The following TRIM36 variants were observed in gnomAD, a reference collection of about 807,000 sequenced individuals.
TRIM36 encodes tripartite motif containing 36.
TRIM36 carries 42 observed loss-of-function variants against 72.4 expected under a neutral mutation model. The ratio of observed to expected loss-of-function variants is 0.58; its 90% CI spans 0.45 to 0.75. TRIM36 has a LOEUF of 0.75. Ranked by LOEUF, TRIM36 falls within the 30% of genes least tolerant of loss-of-function variation. The probability of loss-of-function intolerance (pLI) is 0.00; values close to 1 mark genes in which losing one functional copy is unlikely to be tolerated. For missense variants in TRIM36, 913 were observed against 857.1 expected (o/e 1.07, Z -0.81); for synonymous variants, 315 against 282.8 (o/e 1.11, Z -1.14).
upstream of TRIM36, among the ~76,000 whole-genome samples, chr5:115,172,313 G>C (rs937495662): frequency 1.3e-5 from 2 of 152,034 alleles, no homozygotes; most frequent in Non-Finnish European, 2.9e-5. Context: ...TGTAATACTT[G>C]CATGTGTGCA....
At position 115,125,314 on chromosome 5, in the gene TRIM36, A is replaced by G. The variant is rs891568339; in HGVS notation, c.*1189T>C. 7.9e-5 allele frequency: 12 copies of G among 152,178 alleles called. No homozygotes were observed. Among genetic ancestry groups the G allele is most frequent in the Non-Finnish European group, 1.8e-4 (12 of 67,996 alleles). 9.4% of individuals were successfully genotyped at this position (152,178 alleles called of 1,614,324 possible). ...TGAAAGCAACACCTTTCAAAAACAG[A>G]CACACAATTTAGATAGAATGTAATT... On this transcript the variant is annotated 3_prime_UTR_variant, in exon 10 of 10. Transcript: ENST00000513154.
rs566557539 is a variant in TRIM36 at position 115,126,478 on chromosome 5, T to A, written c.*25A>T. The A allele has an allele frequency of 1.6e-5, 26 of 1,578,716 alleles. No homozygotes were observed. In the South Asian group the frequency reaches 2.9e-4, roughly 18 times the overall value. On this transcript the variant is annotated 3_prime_UTR_variant, in exon 10 of 10. Transcript: ENST00000513154. ...GGCATTGCTTTGTTTACAGTTTTTA[T>A]CCTGAGTCACATCAGATGTTTCAAC...
rs768425033 is a variant in TRIM36 at position 115,147,326 on chromosome 5, C to T, written c.331G>A (p.Asp111Asn). 8 of 1,614,174 alleles carry T rather than the reference C, an allele frequency of 5.0e-6. No individual in the cohort carries two copies. The highest frequency in any genetic ancestry group is 1.6e-4 in the Middle Eastern group (1 of 6,062). Residue 111 changes from aspartate to asparagine, a missense_variant, in exon 3 of 10, where the codon GAT becomes AAT. Physicochemically the swap from Asp to Asn is conservative, Grantham distance 23. Transcript: ENST00000513154. Reference protein sequence around the residue: ...FPCPGCEHDVDLGERGINGLF... With the variant: ...FPCPGCEHDVNLGERGINGLF... ...CCATTGATTCCTCGTTCTCCAAGATCCACATCATGCTCACAGCCAGGGCAA... is the reference window on the plus strand; with the variant it reads ...CCATTGATTCCTCGTTCTCCAAGATTCACATCATGCTCACAGCCAGGGCAA...
chr5:115,141,016 C>G (rs185388654), intron 5 of TRIM36, among the ~76,000 whole-genome samples: 57 of 152,234 alleles, frequency 3.7e-4, no homozygotes, highest in Non-Finnish European at 6.8e-4. Context: ...CTTTTGAGAT[C>G]TTGTTAGTTG....
chr5:115,155,580 T>A (rs912512491), intron 2 of TRIM36, among the ~76,000 whole-genome samples: 1 of 152,186 alleles, frequency 6.6e-6, no homozygotes, highest in Admixed American at 6.5e-5. Context: ...CTCATCTCAA[T>A]AGATGCTAAA....
chr5:115,155,401 A>G (rs1336058204), intron 2 of TRIM36, among the ~76,000 whole-genome samples: 1 of 152,180 alleles, frequency 6.6e-6, no homozygotes, highest in Non-Finnish European at 1.5e-5. Flanking sequence ...TGAACACAGA[A>G]GCTAAAATCC....
rs554272614 is a variant in TRIM36 at position 115,145,743 on chromosome 5, G to A, written c.589-999C>T. Among the ~76,000 whole-genome samples the A allele has an allele frequency of 1.1e-4, 16 of 152,214 alleles. No individual in the cohort carries two copies. The East Asian group carries it at 3.1e-3, about 29-fold the overall frequency. On this transcript the variant is annotated intron_variant, in intron 3 of 9. Coordinates refer to ENST00000513154, the MANE Select transcript of TRIM36 (RefSeq NM_001300759.2). ...AGGAACGAACAAAAAGTACAATACA[G>A]AAAGTCCTAATACCAATATATAGGT...
At chr5:115,171,016 A>T, upstream of TRIM36, 2 of 1,577,560 alleles carry the variant, frequency 1.3e-6, no homozygotes, top group Non-Finnish European at 1.7e-6. Flanking sequence ...TAGCTAAACA[A>T]TTCATTCCTA....
Position 115,169,734 on chromosome 5 carries a change from C to T in TRIM36, c.-100G>A. On this transcript the variant is annotated 5_prime_UTR_variant, in exon 1 of 10. Coordinates refer to ENST00000513154, the MANE Select transcript of TRIM36 (RefSeq NM_001300759.2). ...GGTCCCTGCGGCGGCCGTGGAGCCT[C>T]GGTCCGAAGCTGGAAGATGAGCTGG... 2.1e-6 allele frequency: 3 copies of T among 1,460,956 alleles called. No individual in the cohort carries two copies. The highest frequency in any genetic ancestry group is 2.7e-6 in the Non-Finnish European group (3 of 1,100,810). 90.5% of individuals were successfully genotyped at this position (1,460,956 alleles called of 1,614,324 possible). A position where few individuals can be genotyped will look rare whatever the true frequency, so the allele number is the denominator to read the frequency against.
At chr5:115,178,911 A>G (rs1166694463) in intron 1 of TRIM36, among the ~76,000 whole-genome samples, 1 of 152,200 alleles carries the variant, frequency 6.6e-6, no homozygotes, top group African/African-American at 2.4e-5. Flanking sequence ...GCATGAATCT[A>G]AAACTACTCC....
intron 5 of TRIM36, among the ~76,000 whole-genome samples, chr5:115,138,852 G>A (rs1753114862): frequency 6.6e-6 from 1 of 152,092 alleles, no homozygotes; most frequent in Admixed American, 6.5e-5. Context: ...GTCTCGCTCT[G>A]TCGCCCAGGC....
intron 8 of TRIM36, among the ~76,000 whole-genome samples, chr5:115,132,184 A>ATGTG (rs141231840): frequency 0.015 from 2,154 of 140,070 alleles, 19 homozygotes; most frequent in South Asian, 0.029. Flanking sequence ...CTCTCTCTCT[A>ATGTG]TGTGTGTGTG....
intron 9 of TRIM36, among the ~76,000 whole-genome samples, chr5:115,129,700 T>C (rs1752545904): frequency 1.3e-5 from 2 of 152,204 alleles, no homozygotes; most frequent in Admixed American, 6.5e-5. Context: ...ATTTCCTGGT[T>C]GGGATTTCAT....
chr5:115,134,735 T>C (rs965194425), intron 7 of TRIM36, among the ~76,000 whole-genome samples: 1 of 152,084 alleles, frequency 6.6e-6, no homozygotes, highest in African/African-American at 2.4e-5. Flanking sequence ...AGAAACAGGG[T>C]TTCACCGTGT....
upstream of TRIM36, chr5:115,170,023 C>T (rs915483970): frequency 1.9e-6 from 2 of 1,037,508 alleles, no homozygotes; most frequent in Non-Finnish European, 2.3e-6. Flanking sequence ...GCGGGGCCGC[C>T]TGGGGCTGGT....
At chr5:115,167,316 A>T (rs569437131) in intron 1 of TRIM36, among the ~76,000 whole-genome samples, 3 of 152,216 alleles carry the variant, frequency 2.0e-5, no homozygotes, top group Non-Finnish European at 4.4e-5. Flanking sequence ...GATCTCTGAC[A>T]TGTCCTGGAG....
intron 8 of TRIM36, among the ~76,000 whole-genome samples, chr5:115,133,088 G>T (rs1158422889): frequency 6.6e-6 from 1 of 152,186 alleles, no homozygotes; most frequent in African/African-American, 2.4e-5. Flanking sequence ...ACTAAAAAGA[G>T]GCAAGGGACA....
chr5:115,151,196 G>C (rs752186076), intron 2 of TRIM36, among the ~76,000 whole-genome samples: 1 of 152,160 alleles, frequency 6.6e-6, no homozygotes, highest in African/African-American at 2.4e-5. Context: ...TGGGGGTACA[G>C]TGGAAGTGGG....
chr5:115,156,470 C>T (rs1754187628), intron 2 of TRIM36, among the ~76,000 whole-genome samples: 2 of 152,154 alleles, frequency 1.3e-5, no homozygotes, highest in South Asian at 4.1e-4. Context: ...AAAATAGGCA[C>T]ATAGACCAAT....
Sources: allele counts gnomAD v4.1 joint callset (sites outside exome capture counted in the v4.1 genomes callset), GRCh38; gene constraint gnomAD v4.1.1; transcripts MANE v1.5; gene names NCBI Gene and HGNC (gene_info 2026-07-23, HGNC 2026-07-21).